The following ODAM variants were observed in gnomAD, a reference collection of about 807,000 sequenced individuals.
The protein encoded by ODAM is odontogenic, ameloblast associated.
In ODAM, 55 loss-of-function variants were observed where a neutral mutation model predicts 48.5. The observed-to-expected ratio is 1.13, with a 90% confidence interval of 0.91 to 1.42. The LOEUF (loss-of-function observed/expected upper bound fraction) is 1.42, where lower values mean the gene tolerates loss of function less well. Ranked by LOEUF, ODAM falls within the 40% of genes most tolerant of loss-of-function variation. The pLI is 0.00. For synonymous variants in ODAM, 127 were observed against 107.8 expected, an observed-to-expected ratio of 1.18 and a Z score of -1.10; for missense variants, 353 against 323.6, an observed-to-expected ratio of 1.09 and a Z score of -0.70.
chr4:70,198,464 G>A, intron 5 of ODAM, 115 bp from the exon 6 acceptor site: 1 of 828,988 alleles, frequency 1.2e-6, no homozygotes, highest in Non-Finnish European at 1.9e-6. Context: ...TTTTGTTGTG[G>A]AAACTTGTTA....
intron 5 of ODAM, 101 bp downstream of exon 5, chr4:70,198,258 C>A (rs926744017): frequency 4.1e-6 from 4 of 982,332 alleles, no homozygotes; most frequent in South Asian, 1.6e-5. Context: ...GGTTTTTGAA[C>A]AATATTTTTT....
At position 70,196,213 on chromosome 4, in the gene ODAM, C is replaced by T. The variant is rs115757067; in HGVS notation, c.-15-316C>T. 4.0e-3 allele frequency among the ~76,000 whole-genome samples: 607 copies of T among 152,004 alleles called. 3 individuals are homozygous for T. Among genetic ancestry groups the T allele is most frequent in the Non-Finnish European group, 7.0e-3 (473 of 67,924 alleles). ...ATGGTCTGATGGGCCTGCTCCTCTC[C>T]TTGTAGGGCAGCACTAGGAGGAGAT... On this transcript the variant is annotated intron_variant, in intron 1 of 11. Transcript: ENST00000683306.
At chr4:70,202,663 G>C in intron 9 of ODAM, 93 bp from the exon 10 acceptor site, 1 of 888,954 alleles carries the variant, frequency 1.1e-6, no homozygotes, top group Non-Finnish European at 1.7e-6. Flanking sequence ...TAATGCTTTT[G>C]TTACATCTCA....
Position 70,196,742 on chromosome 4 carries a change from A to G in ODAM, c.93+9A>G. ...CCAGCAATAGCAATGAGGTTAGTTT[A>G]AATAATTAAAACAATCTCCTCCTTT... On this transcript the variant is annotated intron_variant, in intron 3 of 11. Transcript: ENST00000683306. 1.3e-6 allele frequency: 2 copies of G among 1,594,602 alleles called. No individual in the cohort carries two copies. Among genetic ancestry groups the G allele is most frequent in the Non-Finnish European group, 1.7e-6 (2 of 1,168,046 alleles).
chr4:70,200,217 A>T lies in ODAM; in HGVS notation c.424-280A>T, dbSNP rs1175340994. 9.0e-6 allele frequency: 3 copies of T among 333,434 alleles called. No homozygotes were observed. The Admixed American group carries it at 1.8e-4, about 20-fold the overall frequency. The allele number at this position is 333,434 out of a possible 1,614,324, so 20.7% of individuals were successfully genotyped here. ...GTAATTTGTATATAAAGTTTCTAAG[A>T]TGTCCTTTGAAAAAAAAAAAAAGCT... On this transcript the variant is annotated intron_variant, in intron 6 of 11. Coordinates refer to ENST00000683306, the MANE Select transcript of ODAM (RefSeq NM_017855.4).
At chr4:70,203,024 A>T in intron 10 of ODAM, 107 bp downstream of exon 10, 1 of 1,337,548 alleles carries the variant, frequency 7.5e-7, no homozygotes. Context: ...AATTAAGAAG[A>T]TAACTAATGA....
At chr4:70,199,853 CAT>C (rs1355470994) in intron 6 of ODAM, among the ~76,000 whole-genome samples, 4 of 151,930 alleles carry the variant, frequency 2.6e-5, no homozygotes, top group Non-Finnish European at 2.9e-5. Flanking sequence ...CAAAAATTAA[CAT>C]ATGTACTAAG....
intron 6 of ODAM, 104 bp downstream of exon 6, chr4:70,198,730 T>C: frequency 2.3e-6 from 2 of 874,570 alleles, no homozygotes; most frequent in East Asian, 2.6e-5. Flanking sequence ...TAAAAACCTA[T>C]ATAATGATAT....
intron 6 of ODAM, 44 bp downstream of exon 6, chr4:70,198,670 A>C: frequency 6.9e-7 from 1 of 1,441,770 alleles, no homozygotes; most frequent in Non-Finnish European, 9.7e-7. Context: ...GGCTACATAC[A>C]CTCTCCACAA....
At chr4:70,201,087 C>T (rs954132605) in intron 7 of ODAM, among the ~76,000 whole-genome samples, 2 of 151,750 alleles carry the variant, frequency 1.3e-5, no homozygotes, top group Admixed American at 1.3e-4. Context: ...ATTCAGGTGG[C>T]TCATATATTA....
At position 70,201,439 on chromosome 4, in the gene ODAM, T is replaced by A. The variant is rs190381051; in HGVS notation, c.529-15T>A. 84 of 1,397,892 alleles carry A rather than the reference T, an allele frequency of 6.0e-5. No homozygotes were observed. The highest frequency in any genetic ancestry group is 2.6e-4 in the Admixed American group (14 of 54,652). The allele number at this position is 1,397,892 out of a possible 1,614,324, so 86.6% of individuals were successfully genotyped here. ...ATCACAGAAAATATAATACATTTTT[T>A]AAAAAATCTGACAGATACCATTCTA... On this transcript the variant is annotated splice_polypyrimidine_tract_variant and intron_variant, in intron 7 of 11. Transcript: ENST00000683306.
chr4:70,199,693 G>A (rs1423361193), intron 6 of ODAM, among the ~76,000 whole-genome samples: 1 of 151,876 alleles, frequency 6.6e-6, no homozygotes, highest in African/African-American at 2.4e-5. Flanking sequence ...TGTTAAGTTT[G>A]GTCATCTTCT....
At chr4:70,203,544 A>C (rs1021173370) in intron 11 of ODAM, among the ~76,000 whole-genome samples, 6 of 151,940 alleles carry the variant, frequency 3.9e-5, no homozygotes, top group Non-Finnish European at 7.4e-5. Context: ...TTTGCAAGTA[A>C]ACATTGTAAT....
Position 70,204,297 on chromosome 4 carries a change from C to T in ODAM, c.*152C>T. The T allele has an allele frequency of 6.6e-6, 1 of 151,894 alleles. No homozygotes were observed. Among genetic ancestry groups the T allele is most frequent in the Non-Finnish European group, 1.5e-5 (1 of 67,954 alleles). 9.4% of individuals were successfully genotyped at this position (151,894 alleles called of 1,614,324 possible). A position where few individuals can be genotyped will look rare whatever the true frequency, so the allele number is the denominator to read the frequency against. ...TCTCCTAAATTTGTTTTTACTTATA[C>T]ATGTTATTAAACTCTTTAAATATGT... On this transcript the variant is annotated 3_prime_UTR_variant, in exon 12 of 12. Transcript: ENST00000683306.
Position 70,201,501 on chromosome 4 carries a change from T to G in ODAM, c.576T>G (p.Pro192=). ...GATACATTCCACAACTAGCAGAACC[T>G]GTAAGTAAATGCATATTTTTCATTA... The part of the protein sequence containing the change: ...QFGYIPQLAE[P]AISGGQQQLA... The change falls in exon 8 of 12, where the codon CCT becomes CCG. Residue 192 remains proline (P), a splice_region_variant and synonymous_variant. Coordinates refer to ENST00000683306, the MANE Select transcript of ODAM (RefSeq NM_017855.4). 1 of 1,453,148 alleles carries G rather than the reference T, an allele frequency of 6.9e-7. No homozygotes were observed. The highest frequency in any genetic ancestry group is 9.6e-7 in the Non-Finnish European group (1 of 1,038,080). 90.0% of individuals were successfully genotyped at this position (1,453,148 alleles called of 1,614,324 possible).
In ODAM at chr4:70,201,451, C is replaced by G; in HGVS notation, c.529-3C>G. 6.8e-7 allele frequency: 1 copy of G among 1,467,252 alleles called. No individual in the cohort carries two copies. Among genetic ancestry groups the G allele is most frequent in the Non-Finnish European group, 9.5e-7 (1 of 1,056,830 alleles). 90.9% of individuals were successfully genotyped at this position (1,467,252 alleles called of 1,614,324 possible). On this transcript the variant is annotated splice_region_variant and splice_polypyrimidine_tract_variant and intron_variant, in intron 7 of 11. Coordinates refer to ENST00000683306, the MANE Select transcript of ODAM (RefSeq NM_017855.4). ...ATAATACATTTTTTAAAAAATCTGA[C>G]AGATACCATTCTATGCTCAATTTGG...
In ODAM at chr4:70,197,336, A is replaced by G; in HGVS notation, c.141+15A>G. On this transcript the variant is annotated intron_variant, in intron 4 of 11. Coordinates refer to ENST00000683306, the MANE Select transcript of ODAM (RefSeq NM_017855.4). ...TACAACTTCAGGTACCTCCATTTCAATAATTACTTTATGGGGAATATTTAC... is the reference window on the plus strand; with the variant it reads ...TACAACTTCAGGTACCTCCATTTCAGTAATTACTTTATGGGGAATATTTAC... 2 of 1,355,884 alleles carry G rather than the reference A, an allele frequency of 1.5e-6. No individual in the cohort carries two copies. Among genetic ancestry groups the G allele is most frequent in the Non-Finnish European group, 2.1e-6 (2 of 947,050 alleles). The allele number at this position is 1,355,884 out of a possible 1,614,324, so 84.0% of individuals were successfully genotyped here. A position where few individuals can be genotyped will look rare whatever the true frequency, so the allele number is the denominator to read the frequency against.
At chr4:70,197,046 A>G (rs1167856950) in intron 3 of ODAM, among the ~76,000 whole-genome samples, 1 of 152,082 alleles carries the variant, frequency 6.6e-6, no homozygotes, top group African/African-American at 2.4e-5. Flanking sequence ...GAATGTGCTA[A>G]CGTTGTGCAA....
intron 6 of ODAM, among the ~76,000 whole-genome samples, chr4:70,199,593 C>G (rs1729451983): frequency 6.6e-6 from 1 of 151,958 alleles, no homozygotes; most frequent in African/African-American, 2.4e-5. Flanking sequence ...ACCAGTAGCT[C>G]TCCATCCTGG....
Sources: gnomAD v4.1 joint callset for allele counts (sites outside exome capture counted in the v4.1 genomes callset) on GRCh38, gnomAD v4.1.1 for gene constraint, MANE v1.5 for transcripts, NCBI Gene and HGNC (gene_info 2026-07-23, HGNC 2026-07-21) for gene names.